SEPTIN9: variants seen among roughly 807,000 people sequenced by gnomAD.
The protein encoded by SEPTIN9 is septin 9.
A neutral mutation model predicts 56.6 loss-of-function variants in SEPTIN9; 13 were observed. That is an observed-to-expected ratio of 0.23 (90% CI 0.15 to 0.37). SEPTIN9 has a LOEUF of 0.37. SEPTIN9 is among the 10% of genes least tolerant of loss of function. The pLI is 1.00. For synonymous variants in SEPTIN9, 332 were observed against 334.1 expected (o/e 0.99, Z 0.07); for missense variants, 650 against 823.1 (o/e 0.79, Z 2.57).
At position 77,491,805 on chromosome 17, in the gene SEPTIN9, C is replaced by CAA. The variant is rs35233871; in HGVS notation, c.1381-795_1381-794dup. 6.9e-3 allele frequency among the ~76,000 whole-genome samples: 408 copies of CAA among 59,050 alleles called. 4 individuals carry two copies. Among genetic ancestry groups the CAA allele is most frequent in the African/African-American group, 0.017 (254 of 15,238 alleles). 38.7% of individuals were successfully genotyped at this position (59,050 alleles called of 152,430 possible). A position where few individuals can be genotyped will look rare whatever the true frequency, so the allele number is the denominator to read the frequency against. ...TGGGTGACAGAGCGAGACTCCATCT[C>CAA]AAAAAAAAAAAAAAAAAAAAAAGTT... On this transcript the variant is annotated intron_variant, in intron 8 of 11. Transcript: ENST00000427177.
intron 2 of SEPTIN9, among the ~76,000 whole-genome samples, chr17:77,395,418 A>G (rs1357851330): frequency 1.3e-5 from 2 of 151,588 alleles, no homozygotes; most frequent in Middle Eastern, 3.4e-3. Context: ...AGTCCCAGCT[A>G]CTCGGGAGGC....
chr17:77,391,831 C>T (rs2035551633), intron 2 of SEPTIN9, among the ~76,000 whole-genome samples: 1 of 152,204 alleles, frequency 6.6e-6, no homozygotes. Flanking sequence ...CTGGTGCTGG[C>T]TTGCCAGGTT....
intron 3 of SEPTIN9, among the ~76,000 whole-genome samples, chr17:77,417,266 A>C (rs2036537715): frequency 6.6e-6 from 1 of 152,212 alleles, no homozygotes; most frequent in South Asian, 2.1e-4. Flanking sequence ...CATTTCACGG[A>C]TTCTGTGTGC....
intron 4 of SEPTIN9, among the ~76,000 whole-genome samples, chr17:77,485,203 GTGA>G (rs373208663): frequency 0.014 from 2,085 of 148,002 alleles, 11 homozygotes; most frequent in South Asian, 0.03. Flanking sequence ...GGTGGTGATG[GTGA>G]TGATTGTGAT....
At chr17:77,471,500 G>T (rs1423910915) in intron 3 of SEPTIN9, among the ~76,000 whole-genome samples, 1 of 152,268 alleles carries the variant, frequency 6.6e-6, no homozygotes, top group African/African-American at 2.4e-5. Flanking sequence ...AGTTGGGGGA[G>T]GCGGAGCCCC....
At chr17:77,376,385 T>C in intron 2 of SEPTIN9, 1 of 985,688 alleles carries the variant, frequency 1.0e-6, no homozygotes, top group South Asian at 4.7e-5. Context: ...ACCTGGTGTC[T>C]TGGTTCCTGC....
intron 2 of SEPTIN9, among the ~76,000 whole-genome samples, chr17:77,315,447 C>G (rs2032661979): frequency 6.6e-6 from 1 of 152,154 alleles, no homozygotes; most frequent in South Asian, 2.1e-4. Context: ...GCCACCATGC[C>G]CAGCTAATTT....
Position 77,487,396 on chromosome 17 carries a change from C to T in SEPTIN9, c.914-28C>T, listed in dbSNP as rs1327986257. 6.3e-7 allele frequency: 1 copy of T among 1,579,380 alleles called. No homozygotes were observed. The highest frequency in any genetic ancestry group is 8.6e-7 in the Non-Finnish European group (1 of 1,163,790). On this transcript the variant is annotated intron_variant, in intron 4 of 11. Coordinates refer to ENST00000427177, the MANE Select transcript of SEPTIN9 (RefSeq NM_001113491.2). This position sits in a 1 kb window ranked among gnomAD's most constrained non-coding sequence, Gnocchi z 4.3. Reference sequence around the variant, plus strand: ...CCCTGCTGGTCTCTCCGGAGAGACCCCTGACCGGCCTCCCATCCTCTCCCC... The same window carrying T: ...CCCTGCTGGTCTCTCCGGAGAGACCTCTGACCGGCCTCCCATCCTCTCCCC...
Position 77,369,665 on chromosome 17 carries a change from CTCTG to C in SEPTIN9, c.77-32390_77-32387del, listed in dbSNP as rs911441266. ...CATCTGGGCCCTGCCCTTGGGAAGT[CTCTG>C]TCTATGAGGACACAGCCTGCCACCT... On this transcript the variant is annotated intron_variant, in intron 2 of 11. Transcript: ENST00000427177. This position sits in a 1 kb window ranked among gnomAD's most constrained non-coding sequence, Gnocchi z 4.9. Among the ~76,000 whole-genome samples the C allele has an allele frequency of 7.2e-5, 11 of 152,200 alleles. No homozygotes were observed. The highest frequency in any genetic ancestry group is 1.7e-4 in the African/African-American group (7 of 41,446).
At chr17:77,339,293 G>T (rs1258349370) in intron 2 of SEPTIN9, among the ~76,000 whole-genome samples, 1 of 152,108 alleles carries the variant, frequency 6.6e-6, no homozygotes, top group Non-Finnish European at 1.5e-5. Context: ...ACTAACTATG[G>T]CAGATACTGC....
chr17:77,414,769 G>A (rs1339220930), intron 3 of SEPTIN9, among the ~76,000 whole-genome samples: 2 of 151,814 alleles, frequency 1.3e-5, no homozygotes, highest in African/African-American at 4.8e-5. Flanking sequence ...GTAGAGATGG[G>A]GTTTCACCAT....
chr17:77,390,284 T>C (rs2035487112), intron 2 of SEPTIN9, among the ~76,000 whole-genome samples: 1 of 142,486 alleles, frequency 7.0e-6, no homozygotes, highest in South Asian at 2.3e-4. Context: ...GAGGCGGAGC[T>C]TGCAGTGAGC....
intron 2 of SEPTIN9, among the ~76,000 whole-genome samples, chr17:77,352,006 G>A (rs538006127): frequency 8.3e-4 from 127 of 152,352 alleles, no homozygotes; most frequent in African/African-American, 2.9e-3. Flanking sequence ...AATAAGGGCT[G>A]CCGTGGGGGA....
rs906980399 is a variant in SEPTIN9, at chr17:77,425,051, C to T, written c.721+22348C>T. Reference sequence around the variant, plus strand: ...CGAGTGACCACATGTGGAAGTCTAGCGTCCTTCATGCAAAGTGGGCAGGCG... The same window carrying T: ...CGAGTGACCACATGTGGAAGTCTAGTGTCCTTCATGCAAAGTGGGCAGGCG... On this transcript the variant is annotated intron_variant, in intron 3 of 11. Transcript: ENST00000427177. The surrounding 1 kb of genome is among the most constrained non-coding windows in gnomAD (Gnocchi z 4.2). 2.0e-5 allele frequency among the ~76,000 whole-genome samples: 3 copies of T among 152,202 alleles called. No homozygotes were observed. Among genetic ancestry groups the T allele is most frequent in the African/African-American group, 4.8e-5 (2 of 41,450 alleles).
intron 3 of SEPTIN9, among the ~76,000 whole-genome samples, chr17:77,430,210 T>C (rs1405988887): frequency 1.3e-5 from 2 of 152,034 alleles, no homozygotes; most frequent in African/African-American, 4.8e-5. Context: ...CCCCGCCAGC[T>C]CCATCCCCAG....
chr17:77,376,030 G>C, intron 2 of SEPTIN9: 1 of 904,914 alleles, frequency 1.1e-6, no homozygotes, highest in Non-Finnish European at 1.3e-6. Flanking sequence ...GATGTGGACA[G>C]GCAGCTTCCG....
intron 2 of SEPTIN9, among the ~76,000 whole-genome samples, chr17:77,332,924 C>T (rs897224390): frequency 1.6e-4 from 24 of 152,166 alleles, no homozygotes; most frequent in Non-Finnish European, 2.5e-4. Flanking sequence ...AAACCTGTTA[C>T]GCTGGTTCTT....
chr17:77,485,770 C>T (rs540625157), intron 4 of SEPTIN9, among the ~76,000 whole-genome samples: 2 of 152,056 alleles, frequency 1.3e-5, no homozygotes, highest in Non-Finnish European at 2.9e-5. Context: ...AGCCTCTGTC[C>T]TCCCAGGAGC....
chr17:77,296,745 C>T lies in SEPTIN9; in HGVS notation c.20-10396C>T, dbSNP rs9908341. On this transcript the variant is annotated intron_variant, in intron 1 of 11. Transcript: ENST00000427177. ...GTGCATGTCTGTAATCCCAGCCACT[C>T]GGGAGGCTGAGGCACGAGAATCACT... 3.0e-3 allele frequency among the ~76,000 whole-genome samples: 451 copies of T among 152,140 alleles called. 3 individuals carry two copies. The highest frequency in any genetic ancestry group is 0.01 in the African/African-American group (433 of 41,492).
Sources: allele counts gnomAD v4.1 joint callset (sites outside exome capture counted in the v4.1 genomes callset), GRCh38; gene constraint gnomAD v4.1.1; non-coding constraint Gnocchi (gnomAD v3.1); transcripts MANE v1.5; gene names NCBI Gene and HGNC (gene_info 2026-07-23, HGNC 2026-07-21).